The following ADGRB3 variants were observed in gnomAD, a reference collection of about 807,000 sequenced individuals.
ADGRB3 encodes adhesion G protein-coupled receptor B3, also known as brain-specific angiogenesis inhibitor 3.
A neutral mutation model predicts 193.4 loss-of-function variants in ADGRB3; 37 were observed. The observed-to-expected ratio is 0.19, with a 90% CI of 0.15 to 0.25. The LOEUF is 0.25. ADGRB3 is among the 10% of genes least tolerant of loss of function. The probability of loss-of-function intolerance (pLI) is 1.00; values close to 1 mark genes in which losing one functional copy is unlikely to be tolerated. For synonymous variants in ADGRB3, 690 were observed against 644.2 expected (o/e 1.07, Z -1.08); for missense variants, 1,637 against 1,852.9 (o/e 0.88, Z 2.14).
At chr6:68,912,307 T>C (rs1387509066) in intron 3 of ADGRB3, among the ~76,000 whole-genome samples, 2 of 152,124 alleles carry the variant, frequency 1.3e-5, no homozygotes, top group East Asian at 1.9e-4. Flanking sequence ...TTAACACTTA[T>C]TAATGCTTCA....
At chr6:69,178,790 G>C (rs1775502883) in intron 17 of ADGRB3, among the ~76,000 whole-genome samples, 1 of 152,076 alleles carries the variant, frequency 6.6e-6, no homozygotes, top group Admixed American at 6.5e-5. Flanking sequence ...AGTCTCTATT[G>C]GTTTATAAGG....
chr6:69,372,398 T>A lies in ADGRB3; in HGVS notation c.4240-8T>A. 7.4e-7 allele frequency: 1 copy of A among 1,356,686 alleles called. No individual in the cohort carries two copies. The highest frequency in any genetic ancestry group is 1.0e-6 in the Non-Finnish European group (1 of 989,398). 84.0% of individuals were successfully genotyped at this position (1,356,686 alleles called of 1,614,324 possible). ...TTTTCTCCTTCTTTTTAAAAATATA[T>A]CTTACAGAGAAGAAAATCACGATAT... On this transcript the variant is annotated splice_region_variant and splice_polypyrimidine_tract_variant and intron_variant, in intron 29 of 31. Coordinates refer to ENST00000370598, the MANE Select transcript of ADGRB3 (RefSeq NM_001704.3).
chr6:69,360,879 G>A lies in ADGRB3; in HGVS notation c.3606G>A (p.Lys1202=), dbSNP rs200097950. The A allele has an allele frequency of 6.3e-6, 10 of 1,599,620 alleles. No homozygotes were observed. In the African/African-American group the frequency reaches 1.3e-4, roughly 22 times the overall value. ...CATTCCTACTCACAGTTCTTCATAAGGATATTGGTCCTTGCCGAGCAGCCA... is the reference window on the plus strand; with the variant it reads ...CATTCCTACTCACAGTTCTTCATAAAGATATTGGTCCTTGCCGAGCAGCCA... ...VDIACRSVLH[K]DIGPCRAATI... is the part of the protein sequence containing the mutation. Residue 1202 remains lysine (K), a synonymous_variant, in exon 29 of 32, where the codon AAG becomes AAA. Coordinates refer to ENST00000370598, the MANE Select transcript of ADGRB3 (RefSeq NM_001704.3).
intron 10 of ADGRB3, among the ~76,000 whole-genome samples, chr6:68,988,353 G>A (rs985119819): frequency 2.0e-5 from 3 of 152,102 alleles, no homozygotes; most frequent in Admixed American, 6.6e-5. Context: ...TTAATGAGAG[G>A]ATTTTGGGAG....
chr6:69,159,419 A>G (rs1236332311), intron 17 of ADGRB3, among the ~76,000 whole-genome samples: 1 of 152,086 alleles, frequency 6.6e-6, no homozygotes, highest in African/African-American at 2.4e-5. Context: ...TTTATTAATT[A>G]CAGATTGATT....
chr6:69,339,761 G>A (rs774686270), intron 26 of ADGRB3, among the ~76,000 whole-genome samples: 3 of 152,132 alleles, frequency 2.0e-5, no homozygotes, highest in African/African-American at 7.2e-5. Flanking sequence ...AGGAAGAATA[G>A]ATTTAAAAGA....
At chr6:69,008,833 C>T (rs1378068676) in intron 11 of ADGRB3, among the ~76,000 whole-genome samples, 1 of 152,076 alleles carries the variant, frequency 6.6e-6, no homozygotes, top group Non-Finnish European at 1.5e-5. Flanking sequence ...TCTTCAAATG[C>T]TGTTGAAAAT....
intron 17 of ADGRB3, among the ~76,000 whole-genome samples, chr6:69,169,826 A>G (rs6916250): frequency 0.22 from 33,390 of 152,008 alleles, 3,957 homozygotes; most frequent in Middle Eastern, 0.28. Context: ...CTGTGGCCCA[A>G]TAGAGGATAG....
chr6:68,946,837 A>G (rs1463706891), intron 6 of ADGRB3, among the ~76,000 whole-genome samples: 1 of 152,122 alleles, frequency 6.6e-6, no homozygotes, highest in African/African-American at 2.4e-5. Context: ...AGCGAAATAG[A>G]CACTATGTAG....
At chr6:68,658,967 C>G (rs1003791951) in intron 3 of ADGRB3, among the ~76,000 whole-genome samples, 18 of 151,076 alleles carry the variant, frequency 1.2e-4, no homozygotes, top group Non-Finnish European at 1.9e-4. Flanking sequence ...CCAGAAGATA[C>G]AGGATACCTG....
intron 17 of ADGRB3, among the ~76,000 whole-genome samples, chr6:69,196,160 G>A (rs1467139111): frequency 1.3e-5 from 2 of 152,074 alleles, no homozygotes; most frequent in Non-Finnish European, 2.9e-5. Context: ...ATATTATCAA[G>A]TGTAGGTACT....
At chr6:68,878,388 A>G (rs763228935) in intron 3 of ADGRB3, among the ~76,000 whole-genome samples, 3 of 152,098 alleles carry the variant, frequency 2.0e-5, no homozygotes, top group Non-Finnish European at 4.4e-5. Context: ...TTGCTAAGGA[A>G]AGTATTTGCA....
chr6:69,239,275 A>T lies in ADGRB3; in HGVS notation c.2814+49A>T, dbSNP rs528853884. On this transcript the variant is annotated intron_variant, in intron 20 of 31. Coordinates refer to ENST00000370598, the MANE Select transcript of ADGRB3 (RefSeq NM_001704.3). ...TCTTTTTTTGTGTTTATATTTTGGCATATTGTTAGTTATTGATAATCTAAA... is the reference window on the plus strand; with the variant it reads ...TCTTTTTTTGTGTTTATATTTTGGCTTATTGTTAGTTATTGATAATCTAAA... 51 of 1,305,656 alleles carry T rather than the reference A, an allele frequency of 3.9e-5. 1 individual carries two copies. The South Asian group carries it at 6.5e-4, about 17-fold the overall frequency. 80.9% of individuals were successfully genotyped at this position (1,305,656 alleles called of 1,614,324 possible). A position where few individuals can be genotyped will look rare whatever the true frequency, so the allele number is the denominator to read the frequency against.
chr6:69,001,020 C>T (rs1318750251), intron 11 of ADGRB3, among the ~76,000 whole-genome samples: 1 of 151,994 alleles, frequency 6.6e-6, no homozygotes, highest in African/African-American at 2.4e-5. Flanking sequence ...GCCTTGGCCT[C>T]AAGCTGCTTA....
At chr6:68,848,113 AAC>A (rs1485979861) in intron 3 of ADGRB3, among the ~76,000 whole-genome samples, 36 of 152,158 alleles carry the variant, frequency 2.4e-4, no homozygotes, top group Admixed American at 8.5e-4. Context: ...TAAAAATAAA[AAC>A]AGTTTATAAT....
Position 69,361,450 on chromosome 6 carries a change from G to C in ADGRB3, c.4177G>C (p.Asp1393His). The C allele has an allele frequency of 6.2e-7, 1 of 1,612,816 alleles. No individual in the cohort carries two copies. The highest frequency in any genetic ancestry group is 2.2e-5 in the East Asian group (1 of 44,860). The change falls in exon 29 of 32, where the codon GAT becomes CAT. Residue 1393 changes from aspartate (D) to histidine (H), a missense_variant. This residue lies in a region of ADGRB3 where 368 missense variants were observed against 367.4 expected (regional missense o/e 1.00). Transcript: ENST00000370598. ...GAAGAATTTCATGGCCTCTGAGTTGGATGATAATGCAGGACTATCAAGAAG... is the reference window on the plus strand; with the variant it reads ...GAAGAATTTCATGGCCTCTGAGTTGCATGATAATGCAGGACTATCAAGAAG... ...AVKNFMASEL[D>H]DNAGLSRSET...
At chr6:68,705,703 A>G (rs1765315272) in intron 3 of ADGRB3, among the ~76,000 whole-genome samples, 1 of 152,206 alleles carries the variant, frequency 6.6e-6, no homozygotes, top group Non-Finnish European at 1.5e-5. Context: ...AGCGCTGAAG[A>G]AATAATAGAG....
At chr6:69,377,281 G>A (rs1304695559) in intron 30 of ADGRB3, among the ~76,000 whole-genome samples, 2 of 151,950 alleles carry the variant, frequency 1.3e-5, no homozygotes, top group Non-Finnish European at 2.9e-5. Context: ...ACATTGAAAG[G>A]CCTCAGAAGC....
chr6:69,136,474 C>A (rs1340536582), intron 17 of ADGRB3, among the ~76,000 whole-genome samples: 2 of 152,128 alleles, frequency 1.3e-5, no homozygotes, highest in Non-Finnish European at 2.9e-5. Flanking sequence ...GAAGCAGAAA[C>A]ATACATCCTA....
Sources: gnomAD v4.1 joint callset for allele counts (sites outside exome capture counted in the v4.1 genomes callset) on GRCh38, gnomAD v4.1.1 for gene constraint, gnomAD v4.1.1 regional missense constraint, MANE v1.5 for transcripts, NCBI Gene and HGNC (gene_info 2026-07-23, HGNC 2026-07-21) for gene names.